The following KDM4C variants were observed in gnomAD, a reference collection of about 807,000 sequenced individuals.
KDM4C encodes the protein lysine-specific demethylase 4C.
A neutral mutation model predicts 129.3 loss-of-function variants in KDM4C; 81 were observed. The ratio of observed to expected loss-of-function variants is 0.63; its 90% confidence interval spans 0.52 to 0.75. The LOEUF (loss-of-function observed/expected upper bound fraction) is 0.75. Ranked by LOEUF, KDM4C falls within the 30% of genes least tolerant of loss-of-function variation. The pLI, the probability that KDM4C is intolerant of heterozygous loss-of-function variation, is 0.00. For missense variants in KDM4C, 1,457 were observed against 1,304.0 expected, an observed-to-expected ratio of 1.12 and a Z score of -1.81; for synonymous variants, 573 against 456.1, an observed-to-expected ratio of 1.26 and a Z score of -3.26.
chr9:6,876,241 C>T (rs989766953), intron 5 of KDM4C, among the ~76,000 whole-genome samples: 1 of 152,136 alleles, frequency 6.6e-6, no homozygotes, highest in Non-Finnish European at 1.5e-5. Flanking sequence ...CCATCATTTA[C>T]CCTTGATCTT....
At position 6,793,079 on chromosome 9, in the gene KDM4C, A is replaced by G. The variant is rs564840703; in HGVS notation, c.91A>G (p.Lys31Glu). 2 of 1,614,160 alleles carry G rather than the reference A, an allele frequency of 1.2e-6. No individual in the cohort carries two copies. Among genetic ancestry groups the G allele is most frequent in the Admixed American group, 1.7e-5 (1 of 60,012 alleles). Reference protein sequence around the residue: ...PSMEEFREFNKYLAYMESKGA... With the variant: ...PSMEEFREFNEYLAYMESKGA... ...CATGGAGGAGTTCCGGGAGTTCAACAAATACCTTGCATACATGGAGTCTAA... is the reference window on the plus strand; with the variant it reads ...CATGGAGGAGTTCCGGGAGTTCAACGAATACCTTGCATACATGGAGTCTAA... The change falls in exon 2 of 22, where the codon AAA (lysine) becomes GAA (glutamate). Residue 31 changes from lysine to glutamate, a missense_variant. Lys to Glu is a moderately conservative substitution (Grantham distance 56). Transcript: ENST00000381309.
At chr9:6,826,702 C>G (rs1833938363) in intron 4 of KDM4C, among the ~76,000 whole-genome samples, 1 of 151,976 alleles carries the variant, frequency 6.6e-6, no homozygotes, top group Non-Finnish European at 1.5e-5. Context: ...CCTGTCTCTA[C>G]TAAAAATACA....
At chr9:7,090,034 G>C (rs996486375) in intron 17 of KDM4C, among the ~76,000 whole-genome samples, 2 of 152,246 alleles carry the variant, frequency 1.3e-5, no homozygotes, top group African/African-American at 4.8e-5. Flanking sequence ...CTTTGTACTT[G>C]ATTGTGACCT....
In KDM4C at chr9:7,003,021, C is replaced by T. The variant is rs115086416; in HGVS notation, c.1787-8677C>T. On this transcript the variant is annotated intron_variant, in intron 12 of 21. Transcript: ENST00000381309. Reference sequence around the variant, plus strand: ...GACTGCAGGCGCCTGCCACCATTCTCGGCTAATGTTTGTATTGTATTTTTG... The same window carrying T: ...GACTGCAGGCGCCTGCCACCATTCTTGGCTAATGTTTGTATTGTATTTTTG... Among the ~76,000 whole-genome samples the T allele has an allele frequency of 6.3e-3, 966 of 152,264 alleles. 10 individuals are homozygous for T. Among genetic ancestry groups the T allele is most frequent in the African/African-American group, 0.022 (920 of 41,544 alleles).
intron 17 of KDM4C, among the ~76,000 whole-genome samples, chr9:7,069,598 T>A (rs1452571599): frequency 2.0e-5 from 3 of 152,238 alleles, no homozygotes; most frequent in Non-Finnish European, 2.9e-5. Context: ...TAAAGTTTTG[T>A]CTCTCAATTT....
At chr9:7,090,913 C>G (rs1468720989) in intron 17 of KDM4C, among the ~76,000 whole-genome samples, 5 of 152,150 alleles carry the variant, frequency 3.3e-5, no homozygotes, top group Admixed American at 3.3e-4. Context: ...ACTTTTCTTG[C>G]AAGGGGAAGA....
At chr9:7,014,100 T>C in intron 14 of KDM4C, 99 bp downstream of exon 14, 1 of 870,142 alleles carries the variant, frequency 1.1e-6, no homozygotes, top group Admixed American at 2.2e-5. Context: ...TTGCATGGAC[T>C]ATTGGCATTC....
intron 8 of KDM4C, among the ~76,000 whole-genome samples, chr9:6,955,409 C>T (rs868359615): frequency 1.3e-5 from 2 of 152,174 alleles, no homozygotes; most frequent in South Asian, 4.1e-4. Flanking sequence ...CTTTGTTTTT[C>T]ATGCAGTGCA....
chr9:7,150,411 C>T (rs1158987083), intron 19 of KDM4C, among the ~76,000 whole-genome samples: 1 of 152,194 alleles, frequency 6.6e-6, no homozygotes, highest in Admixed American at 6.5e-5. Flanking sequence ...ACAGAGTTCC[C>T]ACCTCTTTGC....
intron 8 of KDM4C, chr9:6,925,722 C>T (rs779625786): frequency 6.4e-5 from 46 of 716,712 alleles, no homozygotes; most frequent in Non-Finnish European, 7.2e-5. Flanking sequence ...TTTCATTAGC[C>T]CTCTCAGCTG....
chr9:6,775,580 T>C (rs947381287), intron 1 of KDM4C, among the ~76,000 whole-genome samples: 1 of 152,012 alleles, frequency 6.6e-6, no homozygotes, highest in African/African-American at 2.4e-5. Context: ...TGGAGCGCAG[T>C]GGCACAATCT....
At chr9:7,050,872 T>C (rs1830062957) in intron 17 of KDM4C, among the ~76,000 whole-genome samples, 1 of 152,184 alleles carries the variant, frequency 6.6e-6, no homozygotes, top group Non-Finnish European at 1.5e-5. Flanking sequence ...TATCTAGAAA[T>C]ATCATAATTG....
At chr9:7,104,859 A>T (rs1837501397) in intron 18 of KDM4C, among the ~76,000 whole-genome samples, 1 of 152,218 alleles carries the variant, frequency 6.6e-6, no homozygotes, top group African/African-American at 2.4e-5. Context: ...ACACACAGCA[A>T]ATCTCCCAGC....
upstream of KDM4C, among the ~76,000 whole-genome samples, chr9:6,754,964 A>G (rs887940015): frequency 6.6e-6 from 1 of 151,958 alleles, no homozygotes; most frequent in South Asian, 2.1e-4. Context: ...TTGGCCAGGC[A>G]TGGTGGCTCA....
At chr9:7,025,691 T>C (rs78303981) in intron 15 of KDM4C, among the ~76,000 whole-genome samples, 2,501 of 152,354 alleles carry the variant, frequency 0.016, 77 homozygotes, top group African/African-American at 0.057. Context: ...TTTTGTTGTC[T>C]CTGTTTATAT....
intron 8 of KDM4C, among the ~76,000 whole-genome samples, chr9:6,909,516 G>A (rs930106475): frequency 6.6e-6 from 1 of 152,152 alleles, no homozygotes; most frequent in East Asian, 1.9e-4. Flanking sequence ...ATCACCAGAA[G>A]GGTAGGTGGG....
intron 1 of KDM4C, chr9:6,734,535 C>T (rs1317483953): frequency 1.1e-5 from 2 of 178,164 alleles, no homozygotes; most frequent in Non-Finnish European, 2.3e-5. Context: ...CTCAGGTGAT[C>T]CTCCTGCCTC....
intron 18 of KDM4C, among the ~76,000 whole-genome samples, chr9:7,104,740 C>T (rs1036654391): frequency 6.6e-6 from 1 of 152,228 alleles, no homozygotes; most frequent in Non-Finnish European, 1.5e-5. Flanking sequence ...ACTTTGTTTT[C>T]CCTGAGAGAC....
At chr9:6,858,909 A>C (rs996699255) in intron 5 of KDM4C, among the ~76,000 whole-genome samples, 1 of 152,112 alleles carries the variant, frequency 6.6e-6, no homozygotes, top group African/African-American at 2.4e-5. Context: ...AGTTGGTAGA[A>C]AATGCATGCA....
Sources: allele counts gnomAD v4.1 joint callset (sites outside exome capture counted in the v4.1 genomes callset), GRCh38; gene constraint gnomAD v4.1.1; transcripts MANE v1.5; gene names NCBI Gene and HGNC (gene_info 2026-07-23, HGNC 2026-07-21).